The following ARPP21 variants were observed in gnomAD, a reference collection of about 807,000 sequenced individuals.
ARPP21 encodes the protein cAMP-regulated phosphoprotein 21.
Under a neutral mutation model 113.2 loss-of-function variants are expected in ARPP21, and 69 were observed. The ratio of observed to expected loss-of-function variants is 0.61; its 90% CI spans 0.50 to 0.74. The LOEUF is 0.74. ARPP21 is among the 30% of genes least tolerant of loss of function. ARPP21 has a pLI of 0.00. For synonymous variants in ARPP21, 368 were observed against 375.5 expected, an observed-to-expected ratio of 0.98 and a Z score of 0.23; for missense variants, 1,070 against 1,037.4, an observed-to-expected ratio of 1.03 and a Z score of -0.43.
At chr3:35,783,249 A>G (rs1045185154) in intron 19 of ARPP21, among the ~76,000 whole-genome samples, 39 of 152,238 alleles carry the variant, frequency 2.6e-4, no homozygotes, top group Admixed American at 1.3e-3. Flanking sequence ...ATGTCCTGAT[A>G]ACTTCCAAAT....
intron 1 of ARPP21, among the ~76,000 whole-genome samples, chr3:35,652,353 T>C (rs921229206): frequency 7.9e-5 from 12 of 152,068 alleles, no homozygotes; most frequent in African/African-American, 2.4e-4. Context: ...AATGGTTATA[T>C]CCAGCAGAAG....
intron 7 of ARPP21, among the ~76,000 whole-genome samples, chr3:35,689,818 C>T (rs540942423): frequency 3.8e-4 from 58 of 151,356 alleles, no homozygotes; most frequent in African/African-American, 1.4e-3. Context: ...ACTTTGCATG[C>T]CATAATTAAC....
chr3:35,735,598 T>C (rs2094300578), intron 15 of ARPP21, among the ~76,000 whole-genome samples: 1 of 152,208 alleles, frequency 6.6e-6, no homozygotes. Flanking sequence ...CTTTAGAACA[T>C]GTGCTAGGGC....
chr3:35,695,056 A>G (rs1481111069), intron 9 of ARPP21, among the ~76,000 whole-genome samples: 1 of 151,198 alleles, frequency 6.6e-6, no homozygotes, highest in Non-Finnish European at 1.5e-5. Context: ...TGAAAAAGCC[A>G]TATTTATTAA....
At chr3:35,666,569 A>T (rs2074412963) in intron 1 of ARPP21, among the ~76,000 whole-genome samples, 1 of 152,080 alleles carries the variant, frequency 6.6e-6, no homozygotes, top group South Asian at 2.1e-4. Context: ...TTTTTATTTT[A>T]GTTTGTCTTT....
At chr3:35,717,386 GT>G (rs767912995) in intron 13 of ARPP21, 29 bp downstream of exon 13, 7 of 1,412,130 alleles carry the variant, frequency 5.0e-6, no homozygotes, top group Admixed American at 3.4e-5. Flanking sequence ...CTTAAACTGT[GT>G]TTTTTTCAAA....
chr3:35,789,420 C>G (rs2096701331), intron 19 of ARPP21, among the ~76,000 whole-genome samples: 1 of 152,184 alleles, frequency 6.6e-6, no homozygotes, highest in Non-Finnish European at 1.5e-5. Flanking sequence ...CCCAATTAAA[C>G]CATTGCAGGT....
intron 19 of ARPP21, among the ~76,000 whole-genome samples, chr3:35,791,894 G>C (rs1357107090): frequency 6.6e-6 from 1 of 152,136 alleles, no homozygotes; most frequent in Non-Finnish European, 1.5e-5. Flanking sequence ...TAAAAAAATA[G>C]AATTTATCCA....
chr3:35,775,789 T>A (rs186131074), intron 19 of ARPP21, among the ~76,000 whole-genome samples: 9 of 152,300 alleles, frequency 5.9e-5, no homozygotes, highest in Admixed American at 5.9e-4. Flanking sequence ...TCATTTCCTT[T>A]TTTTTGAAAG....
At chr3:35,718,788 G>C (rs967061764) in intron 13 of ARPP21, among the ~76,000 whole-genome samples, 1 of 150,810 alleles carries the variant, frequency 6.6e-6, no homozygotes, top group Non-Finnish European at 1.5e-5. Flanking sequence ...ATATGCCTTT[G>C]TAACTACCTT....
chr3:35,670,223 G>T (rs2075986035), intron 1 of ARPP21, among the ~76,000 whole-genome samples: 1 of 152,094 alleles, frequency 6.6e-6, no homozygotes. Flanking sequence ...ACTCTGGCTT[G>T]CTAGGATTGA....
intron 1 of ARPP21, among the ~76,000 whole-genome samples, chr3:35,675,573 C>T (rs574146897): frequency 6.6e-6 from 1 of 151,926 alleles, no homozygotes; most frequent in African/African-American, 2.4e-5. Flanking sequence ...GGACCATATC[C>T]AGGGTAAGCT....
At chr3:35,646,074 G>A (rs965520538) in intron 1 of ARPP21, among the ~76,000 whole-genome samples, 3 of 151,980 alleles carry the variant, frequency 2.0e-5, no homozygotes, top group African/African-American at 7.2e-5. Context: ...GATTCAAGTT[G>A]CTTTCAGATT....
At chr3:35,668,028 A>G (rs1046421726) in intron 1 of ARPP21, among the ~76,000 whole-genome samples, 4 of 139,402 alleles carry the variant, frequency 2.9e-5, no homozygotes, top group Admixed American at 7.2e-5. Context: ...AAGAAGAAGA[A>G]GAAGGAGAAG....
chr3:35,789,326 A>G (rs992281621), intron 19 of ARPP21, among the ~76,000 whole-genome samples: 1 of 152,126 alleles, frequency 6.6e-6, no homozygotes, highest in Non-Finnish European at 1.5e-5. Flanking sequence ...CTGGACCAGA[A>G]CTCAGATTCA....
chr3:35,665,430 G>A (rs991678376), intron 1 of ARPP21, among the ~76,000 whole-genome samples: 6 of 152,088 alleles, frequency 3.9e-5, no homozygotes, highest in African/African-American at 1.4e-4. Context: ...TGAGCAAAGT[G>A]CTATACATGG....
chr3:35,646,832 T>C (rs1700415278), intron 1 of ARPP21, among the ~76,000 whole-genome samples: 2 of 152,178 alleles, frequency 1.3e-5, no homozygotes, highest in African/African-American at 4.8e-5. Context: ...TGTAAGAAAT[T>C]TTGGAAATTG....
rs185962340 is a variant in ARPP21, at chr3:35,757,511, C to T, written c.2137+13546C>T. 1.0e-3 allele frequency among the ~76,000 whole-genome samples: 153 copies of T among 152,006 alleles called. 1 individual carries two copies. The highest frequency in any genetic ancestry group is 3.6e-3 in the African/African-American group (149 of 41,492). On this transcript the variant is annotated intron_variant, in intron 19 of 20. Transcript: ENST00000684406. Reference sequence around the variant, plus strand: ...CAATCCAATGACAAAAAAATAAATCCGAGAAAAAAGCTCCAGCCTAGCTGA... The same window carrying T: ...CAATCCAATGACAAAAAAATAAATCTGAGAAAAAAGCTCCAGCCTAGCTGA...
chr3:35,681,799 G>T lies in ARPP21; in HGVS notation c.48G>T (p.Gly16=), dbSNP rs1196913809. 10 of 1,611,688 alleles carry T rather than the reference G, an allele frequency of 6.2e-6. No homozygotes were observed. Among genetic ancestry groups the T allele is most frequent in the Admixed American group, 5.0e-5 (3 of 59,826 alleles). ...ATCAGGCAATAGCAGAGGAAGGAGG[G>T]ACTGAGCAGGAGACGGCCACTCCAG... The part of the protein sequence containing the change: ...DLNQAIAEEG[G]TEQETATPEN... Residue 16 remains glycine (G), a synonymous_variant, in exon 3 of 21, where the codon GGG becomes GGT. Coordinates refer to ENST00000684406, the MANE Select transcript of ARPP21 (RefSeq NM_001385562.1).
Sources: allele counts gnomAD v4.1 joint callset (sites outside exome capture counted in the v4.1 genomes callset), GRCh38; gene constraint gnomAD v4.1.1; transcripts MANE v1.5; gene names NCBI Gene and HGNC (gene_info 2026-07-23, HGNC 2026-07-21).